The following PLS1 variants were observed in gnomAD, a reference collection of about 807,000 sequenced individuals.
The protein encoded by PLS1 is plastin 1.
Under a neutral mutation model 73.7 loss-of-function variants are expected in PLS1, and 32 were observed. The observed-to-expected ratio is 0.43, with a 90% CI of 0.33 to 0.58. The LOEUF (loss-of-function observed/expected upper bound fraction) is 0.58, where lower values mean the gene tolerates loss of function less well. Among genes scored for constraint, PLS1 ranks in the 20% least tolerant of loss-of-function variants. PLS1 has a pLI of 0.04. For missense variants in PLS1, 633 were observed against 740.5 expected, an observed-to-expected ratio of 0.85 and a Z score of 1.68; for synonymous variants, 217 against 261.3, an observed-to-expected ratio of 0.83 and a Z score of 1.63.
At chr3:142,710,506 T>C (rs1933068944) in intron 14 of PLS1, among the ~76,000 whole-genome samples, 1 of 152,196 alleles carries the variant, frequency 6.6e-6, no homozygotes, top group South Asian at 2.1e-4. Context: ...GTTTATGCAC[T>C]GTATGCTTTA....
intron 1 of PLS1, among the ~76,000 whole-genome samples, chr3:142,652,509 G>A (rs951804634): frequency 1.3e-5 from 2 of 152,206 alleles, no homozygotes; most frequent in Non-Finnish European, 2.9e-5. Flanking sequence ...TGAGGGAGCA[G>A]TGCCTGTGTC....
chr3:142,648,944 G>A (rs1271169998), intron 1 of PLS1, among the ~76,000 whole-genome samples: 1 of 152,192 alleles, frequency 6.6e-6, no homozygotes, highest in African/African-American at 2.4e-5. Context: ...TTGGTAGGAT[G>A]TTGGATAAAT....
rs1193746433 is a variant in PLS1, at chr3:142,678,607, A to C, written c.579+494A>C. On this transcript the variant is annotated intron_variant, in intron 6 of 15. Transcript: ENST00000457734. ...TCCCTACAAAGGACATGAACTCATC[A>C]TTTTTTATGGCTGCATAGTATTCCA... Among the ~76,000 whole-genome samples the C allele has an allele frequency of 8.6e-5, 13 of 151,268 alleles. No homozygotes were observed. In the East Asian group the frequency reaches 2.1e-3, roughly 25 times the overall value.
At chr3:142,636,918 G>A (rs1048570641) in intron 1 of PLS1, among the ~76,000 whole-genome samples, 2 of 152,180 alleles carry the variant, frequency 1.3e-5, no homozygotes, top group African/African-American at 2.4e-5. Flanking sequence ...CATACCACGT[G>A]TTGGTGAATA....
chr3:142,705,166 T>A (rs1390055365), intron 14 of PLS1, among the ~76,000 whole-genome samples: 1 of 152,072 alleles, frequency 6.6e-6, no homozygotes, highest in East Asian at 1.9e-4. Flanking sequence ...AATCTAATCT[T>A]AAAAAATAAA....
At chr3:142,636,531 A>T (rs1471247797) in intron 1 of PLS1, among the ~76,000 whole-genome samples, 1 of 152,234 alleles carries the variant, frequency 6.6e-6, no homozygotes, top group African/African-American at 2.4e-5. Flanking sequence ...AATTTCAAAG[A>T]TACAACGCCA....
Position 142,678,097 on chromosome 3 carries a change from C to A in PLS1, c.563C>A (p.Thr188Lys), listed in dbSNP as rs781293007. ...AGAGCCATCAATAAGAAAAAGCTCA[C>A]GCCATTCACTATTTCTGTAAGTATT... ...DERAINKKKL[T>K]PFTISENLNL... Residue 188 changes from threonine to lysine, a missense_variant, in exon 6 of 16, where the codon ACG becomes AAG. Thr to Lys is a moderately conservative substitution (Grantham distance 78). Coordinates refer to ENST00000457734, the MANE Select transcript of PLS1 (RefSeq NM_001145319.2). 6.6e-7 allele frequency: 1 copy of A among 1,525,506 alleles called. No homozygotes were observed. Among genetic ancestry groups the A allele is most frequent in the South Asian group, 1.2e-5 (1 of 82,302 alleles). 94.5% of individuals were successfully genotyped at this position (1,525,506 alleles called of 1,614,324 possible).
At chr3:142,637,404 G>T (rs2036717783) in intron 1 of PLS1, among the ~76,000 whole-genome samples, 1 of 152,142 alleles carries the variant, frequency 6.6e-6, no homozygotes, top group Non-Finnish European at 1.5e-5. Flanking sequence ...GGATTACCAA[G>T]GAGCATGAGG....
At chr3:142,663,128 T>C (rs1437043539) in intron 1 of PLS1, among the ~76,000 whole-genome samples, 2 of 152,016 alleles carry the variant, frequency 1.3e-5, no homozygotes, top group Non-Finnish European at 2.9e-5. Context: ...GGCAGGAGAA[T>C]CGCTTCAACC....
At chr3:142,709,540 G>A (rs1933012054) in intron 14 of PLS1, among the ~76,000 whole-genome samples, 1 of 152,178 alleles carries the variant, frequency 6.6e-6, no homozygotes, top group African/African-American at 2.4e-5. Flanking sequence ...AATGAGGCCG[G>A]GCACAGTGGC....
intron 1 of PLS1, among the ~76,000 whole-genome samples, chr3:142,638,437 G>A (rs2036751752): frequency 6.6e-6 from 1 of 152,132 alleles, no homozygotes; most frequent in South Asian, 2.1e-4. Context: ...CCCCTTAATT[G>A]GTCTGTCTCT....
intron 11 of PLS1, among the ~76,000 whole-genome samples, chr3:142,696,284 AACCTTTTAGCT>A (rs1278556925): frequency 2.0e-5 from 3 of 152,274 alleles, no homozygotes; most frequent in Admixed American, 6.5e-5. Flanking sequence ...GAATTGACCA[AACCTTTTAGCT>A]AAAGATATCT....
At chr3:142,674,727 CT>C (rs2037683511) in intron 4 of PLS1, among the ~76,000 whole-genome samples, 1 of 151,892 alleles carries the variant, frequency 6.6e-6, no homozygotes, top group African/African-American at 2.4e-5. Flanking sequence ...TCAATTTTTT[CT>C]TCGTTTTTTG....
chr3:142,689,171 C>T (rs1396403658), intron 9 of PLS1, among the ~76,000 whole-genome samples: 4 of 152,092 alleles, frequency 2.6e-5, no homozygotes, highest in East Asian at 1.9e-4. Flanking sequence ...TAGTGGCTCA[C>T]GGCTATAATC....
chr3:142,617,442 T>A (rs1237050149), intron 1 of PLS1, among the ~76,000 whole-genome samples: 4 of 152,240 alleles, frequency 2.6e-5, no homozygotes, highest in Non-Finnish European at 5.9e-5. Context: ...AGAACTGTGC[T>A]TAATCTGCAC....
At chr3:142,651,462 C>CAA (rs57909380) in intron 1 of PLS1, among the ~76,000 whole-genome samples, 1,062 of 101,902 alleles carry the variant, frequency 0.01, 12 homozygotes, top group African/African-American at 0.035. Flanking sequence ...AACTCTGTCT[C>CAA]AAAAAAAAAA....
intron 9 of PLS1, among the ~76,000 whole-genome samples, chr3:142,688,269 T>C (rs926230405): frequency 1.3e-5 from 2 of 152,170 alleles, no homozygotes; most frequent in Non-Finnish European, 2.9e-5. Flanking sequence ...TTTTTTGATG[T>C]CTACAATGGT....
chr3:142,638,192 A>G (rs527572027), intron 1 of PLS1, among the ~76,000 whole-genome samples: 8 of 152,186 alleles, frequency 5.3e-5, no homozygotes, highest in Non-Finnish European at 7.3e-5. Flanking sequence ...GGCCTTTCAC[A>G]TGTGCTTTCT....
intron 14 of PLS1, among the ~76,000 whole-genome samples, chr3:142,708,241 T>C (rs188413846): frequency 2.6e-5 from 4 of 152,228 alleles, no homozygotes; most frequent in Admixed American, 2.0e-4. Context: ...GATTTATTTG[T>C]TTATTTTATT....
Sources: allele counts gnomAD v4.1 joint callset (sites outside exome capture counted in the v4.1 genomes callset), GRCh38; gene constraint gnomAD v4.1.1; transcripts MANE v1.5; gene names NCBI Gene and HGNC (gene_info 2026-07-23, HGNC 2026-07-21).